Variants in ARHGEF4 observed in about 807,000 individuals in gnomAD.
ARHGEF4 encodes APC-stimulated guanine nucleotide exchange factor 1.
ARHGEF4 carries 119 observed loss-of-function variants against 162.0 expected under a neutral mutation model. The ratio of observed to expected loss-of-function variants is 0.73; its 90% confidence interval spans 0.63 to 0.86. The LOEUF (loss-of-function observed/expected upper bound fraction) is 0.86. Among genes scored for constraint, ARHGEF4 ranks in the 40% least tolerant of loss-of-function variants. The pLI is 0.00. For synonymous variants in ARHGEF4, 1,014 were observed against 979.9 expected (o/e 1.03, Z -0.65); for missense variants, 2,488 against 2,456.0 (o/e 1.01, Z -0.28).
intron 3 of ARHGEF4, among the ~76,000 whole-genome samples, chr2:130,940,387 C>G (rs1683214037): frequency 6.6e-6 from 1 of 151,926 alleles, no homozygotes; most frequent in Admixed American, 6.6e-5. Context: ...CCTCTGCCTC[C>G]CAGGTTCGCG....
chr2:130,916,074 G>T lies in ARHGEF4; in HGVS notation c.2128G>T (p.Ala710Ser), dbSNP rs1462348776. 1 of 1,550,162 alleles carries T rather than the reference G, an allele frequency of 6.5e-7. No homozygotes were observed. Among genetic ancestry groups the T allele is most frequent in the African/African-American group, 1.4e-5 (1 of 73,048 alleles). ...TGGGGCTCTTCAGCGGGTGGCCCAGGCCGCAGAGCTTGGGAGAGTGCTGGT... is the reference window on the plus strand; with the variant it reads ...TGGGGCTCTTCAGCGGGTGGCCCAGTCCGCAGAGCTTGGGAGAGTGCTGGT... ...GDGALQRVAQAAELGRVLVPQ... is the reference protein window; with the variant it reads ...GDGALQRVAQSAELGRVLVPQ... Residue 710 changes from alanine to serine, a missense_variant, in exon 2 of 14, where the codon GCC (alanine) becomes TCC (serine). Around this residue, in one of 6 missense-constraint regions of ARHGEF4, gnomAD observed 1,642 missense variants for 1,481.5 expected, o/e 1.11. Coordinates refer to ENST00000409359, the MANE Select transcript of ARHGEF4 (RefSeq NM_001367493.1).
chr2:130,926,048 C>CTTTCTCTT, intron 2 of ARHGEF4, among the ~76,000 whole-genome samples: 56 of 53,454 alleles, frequency 1.0e-3, no homozygotes, highest in East Asian at 4.0e-3. Context: ...TTCTTTCTTT[C>CTTTCTCTT]TCTTTCTTTC....
chr2:130,974,886 A>G (rs61367677), intron 4 of ARHGEF4, among the ~76,000 whole-genome samples: 21,618 of 152,236 alleles, frequency 0.14, 1,876 homozygotes, highest in South Asian at 0.28. Context: ...TTCCACAGAA[A>G]GCAACAGATA....
intron 4 of ARHGEF4, among the ~76,000 whole-genome samples, chr2:130,962,901 G>A (rs1684718018): frequency 6.6e-6 from 1 of 152,084 alleles, no homozygotes; most frequent in Non-Finnish European, 1.5e-5. Flanking sequence ...GGGAGACCAA[G>A]TCTCCCACAG....
chr2:130,927,018 T>C (rs957168151), intron 2 of ARHGEF4, among the ~76,000 whole-genome samples: 3 of 151,742 alleles, frequency 2.0e-5, no homozygotes, highest in Admixed American at 6.6e-5. Flanking sequence ...GGGGTTGGCA[T>C]GTCTCTGGTT....
At chr2:130,854,912 C>G (rs1444234625) in intron 1 of ARHGEF4, among the ~76,000 whole-genome samples, 2 of 151,522 alleles carry the variant, frequency 1.3e-5, no homozygotes, top group Admixed American at 1.3e-4. Context: ...CTCACTCTGT[C>G]GCCGAGGCTG....
intron 1 of ARHGEF4, among the ~76,000 whole-genome samples, chr2:130,843,204 CTG>C (rs1033093398): frequency 6.6e-6 from 1 of 152,226 alleles, no homozygotes; most frequent in Non-Finnish European, 1.5e-5. Flanking sequence ...TGGTGTATGA[CTG>C]AGAAATTTTC....
intron 4 of ARHGEF4, among the ~76,000 whole-genome samples, chr2:131,018,490 C>A (rs185407583): frequency 6.6e-6 from 1 of 152,014 alleles, no homozygotes; most frequent in African/African-American, 2.4e-5. Context: ...AAAATGTATT[C>A]TGGATGTTAT....
At chr2:130,969,535 C>T (rs1462643232) in intron 4 of ARHGEF4, among the ~76,000 whole-genome samples, 1 of 151,490 alleles carries the variant, frequency 6.6e-6, no homozygotes, top group East Asian at 1.9e-4. Flanking sequence ...GGAGGTGGAG[C>T]TTGCAGTGAG....
chr2:131,000,680 C>T (rs903200418), intron 4 of ARHGEF4, among the ~76,000 whole-genome samples: 1 of 151,908 alleles, frequency 6.6e-6, no homozygotes, highest in Admixed American at 6.6e-5. Flanking sequence ...TAGGAGTTGA[C>T]GTATTTTATC....
chr2:131,029,590 G>A (rs866095277), intron 5 of ARHGEF4, among the ~76,000 whole-genome samples: 5 of 142,976 alleles, frequency 3.5e-5, no homozygotes, highest in African/African-American at 8.1e-5. Flanking sequence ...CACTCTTGTC[G>A]CCCAGGCTGG....
Position 130,916,375 on chromosome 2 carries a change from GC to G in ARHGEF4, c.2432del (p.Pro811GlnfsTer113). On this transcript the variant is annotated frameshift_variant, in exon 2 of 14. Coordinates refer to ENST00000409359, the MANE Select transcript of ARHGEF4 (RefSeq NM_001367493.1). LOFTEE classifies it high-confidence loss of function. ...FRKGRPLATE[S>X]PGGVPAPTTE... Reference sequence around the variant, plus strand: ...AAGGGCAGGCCCTTGGCCACTGAGAGCCCAGGAGGGGTCCCGGCCCCGACCA... The same window carrying G: ...AAGGGCAGGCCCTTGGCCACTGAGAGCCAGGAGGGGTCCCGGCCCCGACCA... 6.5e-7 allele frequency: 1 copy of G among 1,536,860 alleles called. No individual in the cohort carries two copies. The highest frequency in any genetic ancestry group is 1.4e-5 in the African/African-American group (1 of 72,712).
chr2:130,941,751 C>T (rs1003616672), intron 3 of ARHGEF4, among the ~76,000 whole-genome samples: 1 of 152,168 alleles, frequency 6.6e-6, no homozygotes, highest in African/African-American at 2.4e-5. Context: ...TCTTCATCCT[C>T]ATCATCTTCA....
At chr2:131,017,729 C>T (rs530528422) in intron 4 of ARHGEF4, among the ~76,000 whole-genome samples, 3 of 152,272 alleles carry the variant, frequency 2.0e-5, no homozygotes, top group South Asian at 2.1e-4. Flanking sequence ...ATGCTATTCA[C>T]GGATCAAATT....
chr2:130,897,769 G>A (rs1680246347), intron 1 of ARHGEF4, among the ~76,000 whole-genome samples: 1 of 152,164 alleles, frequency 6.6e-6, no homozygotes, highest in East Asian at 1.9e-4. Flanking sequence ...CAGACACACG[G>A]CTGGGTGGCG....
intron 4 of ARHGEF4, among the ~76,000 whole-genome samples, chr2:130,985,017 A>C (rs7596908): frequency 0.71 from 107,181 of 151,570 alleles, 39,269 homozygotes; most frequent in East Asian, 0.88. Flanking sequence ...GTGCTCCCCC[A>C]TCAAGCTCTT....
chr2:130,982,155 C>T (rs573076547), intron 4 of ARHGEF4, among the ~76,000 whole-genome samples: 13 of 152,114 alleles, frequency 8.5e-5, no homozygotes, highest in Admixed American at 3.3e-4. Context: ...CCCACCACCA[C>T]GCCCTGCTAG....
intron 2 of ARHGEF4, among the ~76,000 whole-genome samples, chr2:130,930,139 C>T (rs766774304): frequency 3.3e-5 from 5 of 152,048 alleles, no homozygotes; most frequent in Non-Finnish European, 5.9e-5. Flanking sequence ...GTGATCTGCC[C>T]GCCTCGGCCT....
At chr2:130,890,168 TG>T (rs928711139) in intron 1 of ARHGEF4, among the ~76,000 whole-genome samples, 5 of 152,224 alleles carry the variant, frequency 3.3e-5, no homozygotes, top group African/African-American at 1.2e-4. Context: ...TCAGATACTG[TG>T]TCTTTGTCAT....
Sources: gnomAD v4.1 joint callset for allele counts (sites outside exome capture counted in the v4.1 genomes callset) on GRCh38, gnomAD v4.1.1 for gene constraint, gnomAD v4.1.1 regional missense constraint, MANE v1.5 for transcripts, NCBI Gene and HGNC (gene_info 2026-07-23, HGNC 2026-07-21) for gene names.